Variants in CTSE observed in about 807,000 individuals in gnomAD.
The protein encoded by CTSE is cathepsin E.
In CTSE, 43 loss-of-function variants were observed where a neutral mutation model predicts 42.8. The ratio of observed to expected loss-of-function variants is 1.01; its 90% confidence interval spans 0.79 to 1.30. The LOEUF (loss-of-function observed/expected upper bound fraction) is 1.30. Ranked by LOEUF, CTSE falls within the 50% of genes most tolerant of loss-of-function variation. CTSE has a pLI of 0.00. For synonymous variants in CTSE, 205 were observed against 191.5 expected, an observed-to-expected ratio of 1.07 and a Z score of -0.58; for missense variants, 532 against 493.5, an observed-to-expected ratio of 1.08 and a Z score of -0.74.
intron 3 of CTSE, 68 bp from the exon 4 acceptor site, chr1:206,021,235 C>G: frequency 1.6e-6 from 2 of 1,240,164 alleles, no homozygotes; most frequent in South Asian, 1.2e-5. Flanking sequence ...CCTAATGCCA[C>G]CCAGCCCCAC....
In CTSE at chr1:206,013,773, T is replaced by A; in HGVS notation, c.784A>T (p.Asn262Tyr). ...CACTACTTCATGGGGAATACTCACTTATCCAGTGCAATCTGCCAGTAAGCT... is the reference window on the plus strand; with the variant it reads ...CACTACTTCATGGGGAATACTCACTAATCCAGTGCAATCTGCCAGTAAGCT... Reference protein sequence around the residue: ...KQAYWQIALDNIQVGGTVMFC... With the variant: ...KQAYWQIALDYIQVGGTVMFC... The change falls in exon 6 of 9, where the codon AAC becomes TAC. Residue 262 changes from asparagine (N) to tyrosine (Y), a missense_variant and splice_region_variant. Physicochemically the swap from Asn to Tyr is moderately radical, Grantham distance 143. Transcript: ENST00000358184. The A allele has an allele frequency of 6.2e-7, 1 of 1,613,656 alleles. No individual in the cohort carries two copies. Among genetic ancestry groups the A allele is most frequent in the Non-Finnish European group, 8.5e-7 (1 of 1,179,764 alleles).
At chr1:206,016,250 G>T in intron 4 of CTSE, 120 bp from the exon 5 acceptor site, 2 of 877,844 alleles carry the variant, frequency 2.3e-6, no homozygotes, top group African/African-American at 1.7e-5. Context: ...AACTTTCCTT[G>T]ACTAAATGAG....
In CTSE at chr1:206,020,789, A is replaced by C. The variant is rs573610246; in HGVS notation, c.462+260T>G. ...CTAGAGACTGGAGATCCAGCTGTGC[A>C]CCCTGCCACCAGGCTTTGTGCACTG... On this transcript the variant is annotated intron_variant, in intron 4 of 8. Transcript: ENST00000358184. 2.6e-5 allele frequency among the ~76,000 whole-genome samples: 4 copies of C among 152,046 alleles called. No homozygotes were observed. The South Asian group carries it at 6.2e-4, about 24-fold the overall frequency.
At chr1:206,022,552 C>T (rs1054907309) in intron 2 of CTSE, among the ~76,000 whole-genome samples, 1 of 152,064 alleles carries the variant, frequency 6.6e-6, no homozygotes, top group South Asian at 2.1e-4. Context: ...GAGGAAGAAC[C>T]ATCTGTTTTA....
chr1:206,012,131 C>T (rs374321882), intron 8 of CTSE, among the ~76,000 whole-genome samples, 177 bp downstream of exon 8: 28 of 152,208 alleles, frequency 1.8e-4, no homozygotes, highest in Admixed American at 8.5e-4. Flanking sequence ...GAGCAAGCCC[C>T]GTGGTCTTTC....
At chr1:206,019,508 G>T (rs1437340156) in intron 4 of CTSE, among the ~76,000 whole-genome samples, 4 of 151,882 alleles carry the variant, frequency 2.6e-5, no homozygotes. Context: ...TGACATTGCT[G>T]TGGGCTTGGC....
At chr1:206,017,650 T>C (rs2102273211) in intron 4 of CTSE, among the ~76,000 whole-genome samples, 1 of 152,050 alleles carries the variant, frequency 6.6e-6, no homozygotes, top group East Asian at 1.9e-4. Flanking sequence ...CCACCACGCC[T>C]GGCTAATTTT....
rs1661521510 is a variant in CTSE at position 206,023,728 on chromosome 1, G to A, written c.64C>T (p.His22Tyr). ...LELGEAQGSL[H>Y]RVPLRRHPSL... ...AGTGCGGGGACGTCTTCTCACCTGT[G>A]AAGGGATCCTTGGGCCTCTCCCAGC... Residue 22 changes from histidine to tyrosine, a missense_variant, in exon 1 of 9, where the codon CAC becomes TAC. Physicochemically the swap from His to Tyr is moderately conservative, Grantham distance 83. Coordinates refer to ENST00000358184, the MANE Select transcript of CTSE (RefSeq NM_001910.4). 4 of 1,613,568 alleles carry A rather than the reference G, an allele frequency of 2.5e-6. No homozygotes were observed. The South Asian group carries it at 4.4e-5, about 18-fold the overall frequency.
intron 4 of CTSE, 80 bp downstream of exon 4, chr1:206,020,969 G>T: frequency 9.5e-7 from 1 of 1,047,174 alleles, no homozygotes; most frequent in Non-Finnish European, 1.5e-6. Context: ...CATTCCTGAG[G>T]CAGATTTGAA....
chr1:206,012,820 C>T (rs578161493), intron 6 of CTSE, among the ~76,000 whole-genome samples, 171 bp from the exon 7 acceptor site: 8 of 152,240 alleles, frequency 5.3e-5, no homozygotes, highest in Non-Finnish European at 8.8e-5. Context: ...CTGTTTACTT[C>T]TTGACCCAGT....
At position 206,010,133 on chromosome 1, in the gene CTSE, A is replaced by G. The variant is rs1553276707; in HGVS notation, c.*50T>C. ...GTAGGTGTAAAGAATGCCCCAGCCT[A>G]ACATATTCAAGGTCTGTCAGACAGG... On this transcript the variant is annotated 3_prime_UTR_variant, in exon 9 of 9. Transcript: ENST00000358184. 3.1e-6 allele frequency: 5 copies of G among 1,609,400 alleles called. No individual in the cohort carries two copies. The highest frequency in any genetic ancestry group is 1.3e-5 in the African/African-American group (1 of 74,952).
intron 1 of CTSE, 127 bp from the exon 2 acceptor site, chr1:206,023,184 C>T (rs576729387): frequency 1.4e-5 from 13 of 958,050 alleles, no homozygotes; most frequent in Admixed American, 4.1e-5. Flanking sequence ...CAAGACAGCA[C>T]GCAGGATACA....
intron 4 of CTSE, among the ~76,000 whole-genome samples, chr1:206,018,450 T>C (rs1389479617): frequency 6.6e-6 from 1 of 152,070 alleles, no homozygotes; most frequent in Non-Finnish European, 1.5e-5. Context: ...TAAAATGAGT[T>C]ATAAAGTGTT....
chr1:206,016,751 T>C (rs944445210), intron 4 of CTSE, among the ~76,000 whole-genome samples: 2 of 152,088 alleles, frequency 1.3e-5, no homozygotes, highest in East Asian at 3.8e-4. Flanking sequence ...ACTGTGTTGA[T>C]AGTTTTGTAT....
intron 3 of CTSE, 121 bp from the exon 4 acceptor site, chr1:206,021,288 G>A (rs1661414512): frequency 1.3e-5 from 9 of 718,484 alleles, no homozygotes; most frequent in Non-Finnish European, 2.0e-5. Flanking sequence ...CTGAGTGGGG[G>A]CCCCTAGAAG....
Position 206,022,259 on chromosome 1 carries a change from G to T in CTSE, c.234C>A (p.Tyr78Ter). The T allele has an allele frequency of 6.2e-7, 1 of 1,607,172 alleles. No individual in the cohort carries two copies. The highest frequency in any genetic ancestry group is 8.5e-7 in the Non-Finnish European group (1 of 1,174,536). ...EPLINYLDME[Y>*]FGTISIGSPP... ...GGGAGCCAATGGAGATAGTGCCGAAGTATTCCATCTGCAAGGAAGAGTGAG... is the reference window on the plus strand; with the variant it reads ...GGGAGCCAATGGAGATAGTGCCGAATTATTCCATCTGCAAGGAAGAGTGAG... The change falls in exon 3 of 9, where the codon TAC becomes TAA. Residue 78 changes from tyrosine to a stop codon, truncating the protein, a stop_gained. Transcript: ENST00000358184. LOFTEE classifies it high-confidence loss of function.
Position 206,022,945 on chromosome 1 carries a change from A to G in CTSE, c.181T>C (p.Ser61Pro), listed in dbSNP as rs1661486174. The G allele has an allele frequency of 6.2e-7, 1 of 1,606,540 alleles. No homozygotes were observed. Among genetic ancestry groups the G allele is most frequent in the Non-Finnish European group, 8.5e-7 (1 of 1,175,606 alleles). ...LDMIQFTESC[S>P]MDQSAKEPLI... ...GGTTCCTTGGCACTCTGGTCCATTG[A>G]GCAGGACTCGGTGAACTGGATCATG... The change falls in exon 2 of 9, where the codon TCA (serine) becomes CCA (proline). Residue 61 changes from serine to proline, a missense_variant. Coordinates refer to ENST00000358184, the MANE Select transcript of CTSE (RefSeq NM_001910.4).
chr1:206,017,171 T>A (rs1661285835), intron 4 of CTSE, among the ~76,000 whole-genome samples: 1 of 152,094 alleles, frequency 6.6e-6, no homozygotes, highest in Non-Finnish European at 1.5e-5. Context: ...TAAATTTACA[T>A]CAAAGTAGCT....
At chr1:206,014,766 T>C (rs1553277549) in intron 5 of CTSE, among the ~76,000 whole-genome samples, 1 of 152,048 alleles carries the variant, frequency 6.6e-6, no homozygotes, top group Non-Finnish European at 1.5e-5. Context: ...TACAGCCCAC[T>C]TTTCCCAGGC....
Sources: allele counts gnomAD v4.1 joint callset (sites outside exome capture counted in the v4.1 genomes callset), GRCh38; gene constraint gnomAD v4.1.1; transcripts MANE v1.5; gene names NCBI Gene and HGNC (gene_info 2026-07-23, HGNC 2026-07-21).